Variants in DYM observed in about 807,000 individuals in gnomAD.
DYM encodes the protein dymeclin.
Under a neutral mutation model 93.1 loss-of-function variants are expected in DYM, and 78 were observed. That is an observed-to-expected ratio of 0.84 (90% confidence interval 0.70 to 1.01). DYM has a LOEUF of 1.01. DYM is among the 50% of genes least tolerant of loss of function. The pLI is 0.00. For synonymous variants in DYM, 321 were observed against 319.7 expected (o/e 1.00, Z -0.04); for missense variants, 789 against 845.0 (o/e 0.93, Z 0.82).
At chr18:49,297,352 T>C (rs985609507) in intron 8 of DYM, among the ~76,000 whole-genome samples, 15 of 152,170 alleles carry the variant, frequency 9.9e-5, no homozygotes, top group African/African-American at 3.1e-4. Context: ...CAATATAAAG[T>C]TCAAAACCAT....
At chr18:49,293,872 A>G (rs1568191790) in intron 8 of DYM, among the ~76,000 whole-genome samples, 1 of 152,142 alleles carries the variant, frequency 6.6e-6, no homozygotes, top group Non-Finnish European at 1.5e-5. Flanking sequence ...TTGATGTTTT[A>G]GTCATGGAAT....
intron 8 of DYM, among the ~76,000 whole-genome samples, chr18:49,298,580 T>C (rs1323382541): frequency 1.5e-5 from 1 of 67,074 alleles, no homozygotes; most frequent in African/African-American, 5.1e-5. Context: ...AAACTCCGTC[T>C]CAAAAAAAAA....
chr18:49,086,450 TCA>T (rs1389500585), intron 17 of DYM, among the ~76,000 whole-genome samples: 1 of 152,120 alleles, frequency 6.6e-6, no homozygotes, highest in Non-Finnish European at 1.5e-5. Context: ...CATGATCCAA[TCA>T]CACTTTAAAG....
chr18:49,453,250 C>G (rs1400093096), intron 1 of DYM, among the ~76,000 whole-genome samples: 1 of 151,114 alleles, frequency 6.6e-6, no homozygotes, highest in Non-Finnish European at 1.5e-5. Context: ...CAATCAGCAC[C>G]CTGTAAAATG....
intron 14 of DYM, among the ~76,000 whole-genome samples, chr18:49,178,192 C>T (rs2089581914): frequency 6.6e-6 from 1 of 151,998 alleles, no homozygotes; most frequent in Admixed American, 6.6e-5. Context: ...TACTGGCTTC[C>T]TCAGTGAAAG....
At chr18:49,379,341 G>A (rs2067817574) in intron 4 of DYM, among the ~76,000 whole-genome samples, 1 of 152,092 alleles carries the variant, frequency 6.6e-6, no homozygotes, top group East Asian at 1.9e-4. Flanking sequence ...CTCAGACTAA[G>A]TCATCATTTA....
intron 14 of DYM, among the ~76,000 whole-genome samples, chr18:49,169,996 G>C (rs1280105869): frequency 6.6e-6 from 1 of 152,106 alleles, no homozygotes; most frequent in Non-Finnish European, 1.5e-5. Context: ...CTCTAACTTG[G>C]GAAACACAGT....
intron 9 of DYM, among the ~76,000 whole-genome samples, chr18:49,285,027 T>C (rs1251437736): frequency 6.6e-6 from 1 of 152,190 alleles, no homozygotes; most frequent in Admixed American, 6.5e-5. Flanking sequence ...GACTCCCTTC[T>C]GCCATGTGAA....
At chr18:49,384,348 G>T (rs2068362022) in intron 3 of DYM, among the ~76,000 whole-genome samples, 2 of 148,440 alleles carry the variant, frequency 1.3e-5, no homozygotes, top group South Asian at 4.3e-4. Context: ...AAAAAAGGCT[G>T]GGTGCAGTGA....
intron 17 of DYM, among the ~76,000 whole-genome samples, chr18:49,045,951 CA>C (rs1177374329): frequency 6.6e-6 from 1 of 152,096 alleles, no homozygotes; most frequent in African/African-American, 2.4e-5. Flanking sequence ...AACTGGAGGG[CA>C]CAGTGCAGCA....
intron 13 of DYM, among the ~76,000 whole-genome samples, chr18:49,241,721 G>A (rs2094015649): frequency 6.6e-6 from 1 of 152,116 alleles, no homozygotes; most frequent in African/African-American, 2.4e-5. Context: ...TCCAGGGTAG[G>A]GAGAAAAAGG....
intron 15 of DYM, among the ~76,000 whole-genome samples, chr18:49,160,934 T>G (rs1485218933): frequency 6.6e-6 from 1 of 152,134 alleles, no homozygotes; most frequent in Non-Finnish European, 1.5e-5. Flanking sequence ...ACCTTTCAGG[T>G]CTCTATCAGG....
intron 17 of DYM, chr18:49,049,560 G>C (rs756652619): frequency 6.6e-6 from 1 of 152,144 alleles, no homozygotes; most frequent in African/African-American, 2.4e-5. Flanking sequence ...ACTGACAATC[G>C]GATGAGATAA....
intron 17 of DYM, among the ~76,000 whole-genome samples, chr18:49,060,273 C>G (rs541974435): frequency 4.6e-5 from 7 of 152,200 alleles, no homozygotes; most frequent in Admixed American, 4.6e-4. Context: ...GGTGAGCTCC[C>G]TGGGGTCCCC....
chr18:49,240,984 C>A (rs1351236745), intron 13 of DYM, among the ~76,000 whole-genome samples: 1 of 152,138 alleles, frequency 6.6e-6, no homozygotes, highest in Non-Finnish European at 1.5e-5. Context: ...ATAGTGAGTA[C>A]TAGTACAGTT....
rs567910992 is a variant in DYM, at chr18:49,038,388, A to C, written c.*5667T>G. Among the ~76,000 whole-genome samples, 29 of 152,296 alleles carry C rather than the reference A, an allele frequency of 1.9e-4. No homozygotes were observed. Among genetic ancestry groups the C allele is most frequent in the African/African-American group, 6.3e-4 (26 of 41,568 alleles). ...TGAGTTTATATTTTAAGTGCATATA[A>C]ATTTAGATTATCTTTCTAGTAATTG... is the stretch of plus-strand genomic sequence containing the variant. On this transcript the variant is annotated 3_prime_UTR_variant, in exon 18 of 18. Coordinates refer to ENST00000675505, the MANE Select transcript of DYM (RefSeq NM_001353214.3).
chr18:49,280,044 C>A (rs1167458158), intron 10 of DYM, among the ~76,000 whole-genome samples: 2 of 152,202 alleles, frequency 1.3e-5, no homozygotes, highest in East Asian at 3.8e-4. Flanking sequence ...TTGCTGTCAG[C>A]CAGCTACTGG....
intron 11 of DYM, among the ~76,000 whole-genome samples, chr18:49,259,968 G>C (rs535272751): frequency 6.6e-6 from 1 of 152,224 alleles, no homozygotes; most frequent in South Asian, 2.1e-4. Flanking sequence ...TAAAGAGAGA[G>C]GATTTAGGAA....
intron 8 of DYM, among the ~76,000 whole-genome samples, chr18:49,314,213 TAC>T (rs1194269401): frequency 2.0e-5 from 3 of 152,244 alleles, no homozygotes; most frequent in African/African-American, 4.8e-5. Flanking sequence ...TTTCAAAAAA[TAC>T]AGTTTTGCCT....
Sources: gnomAD v4.1 joint callset for allele counts (sites outside exome capture counted in the v4.1 genomes callset) on GRCh38, gnomAD v4.1.1 for gene constraint, MANE v1.5 for transcripts, NCBI Gene and HGNC (gene_info 2026-07-23, HGNC 2026-07-21) for gene names.